GPHN: variants seen among roughly 807,000 people sequenced by gnomAD.
The protein encoded by GPHN is gephyrin.
GPHN carries 17 observed loss-of-function variants against 95.5 expected under a neutral mutation model. The observed-to-expected ratio is 0.18, with a 90% CI of 0.12 to 0.27. The LOEUF is 0.27. Among genes scored for constraint, GPHN ranks in the 10% least tolerant of loss-of-function variants. GPHN has a pLI of 1.00. For missense variants in GPHN, 660 were observed against 978.1 expected, an observed-to-expected ratio of 0.67 and a Z score of 4.34; for synonymous variants, 320 against 322.5, an observed-to-expected ratio of 0.99 and a Z score of 0.08.
chr14:67,457,549 T>C, the GPHN span, among the ~76,000 whole-genome samples: 3 of 152,154 alleles, frequency 2.0e-5, no homozygotes, highest in African/African-American at 7.2e-5. Flanking sequence ...GAGGCTGCAG[T>C]GAGCTAGGAT....
chr14:66,826,574 C>T (rs1293006809), intron 4 of GPHN, among the ~76,000 whole-genome samples: 2 of 152,128 alleles, frequency 1.3e-5, no homozygotes, highest in East Asian at 1.9e-4. Flanking sequence ...GTTCCCAAAC[C>T]GCGTCCCCCA....
At chr14:67,069,499 GT>G (rs1488675078) in intron 11 of GPHN, among the ~76,000 whole-genome samples, 1 of 152,178 alleles carries the variant, frequency 6.6e-6, no homozygotes, top group Non-Finnish European at 1.5e-5. Flanking sequence ...ATGTGCCGTG[GT>G]CAGTATTCTA....
the GPHN span, chr14:67,203,072 T>G: frequency 6.2e-7 from 1 of 1,605,292 alleles, no homozygotes; most frequent in Non-Finnish European, 8.5e-7. Context: ...ATATAACGCC[T>G]TTTCCTGTTT....
intron 9 of GPHN, among the ~76,000 whole-genome samples, chr14:67,018,695 G>A (rs1003279425): frequency 2.0e-5 from 3 of 152,196 alleles, no homozygotes; most frequent in African/African-American, 7.2e-5. Context: ...ATTATAATGA[G>A]GAGGGTGTGT....
At chr14:67,411,997 C>G in the GPHN span, 4 of 1,538,284 alleles carry the variant, frequency 2.6e-6, no homozygotes, top group Middle Eastern at 1.7e-4. Flanking sequence ...GGCAATGTCC[C>G]GAAGCTCGAC....
chr14:66,671,732 A>T (rs1227710382), intron 1 of GPHN, among the ~76,000 whole-genome samples: 1 of 152,106 alleles, frequency 6.6e-6, no homozygotes, highest in Non-Finnish European at 1.5e-5. Context: ...TTCCATCAAG[A>T]TTATCAGATT....
chr14:67,572,324 G>A, the GPHN span: 15 of 1,523,030 alleles, frequency 9.8e-6, no homozygotes, highest in Non-Finnish European at 1.3e-5. Flanking sequence ...GAATGCAGCA[G>A]AGGCTGCTGG....
At chr14:67,632,597 G>T in the GPHN span, among the ~76,000 whole-genome samples, 7 of 152,216 alleles carry the variant, frequency 4.6e-5, no homozygotes, top group South Asian at 1.2e-3. Flanking sequence ...GAACTGAGAG[G>T]TTGAGGCACT....
chr14:67,695,577 C>T, the GPHN span: 2 of 1,544,208 alleles, frequency 1.3e-6, no homozygotes, highest in Non-Finnish European at 1.8e-6. Flanking sequence ...TCTATGTTTC[C>T]CTCCCGCCCC....
chr14:67,221,068 A>G, the GPHN span, among the ~76,000 whole-genome samples: 2,998 of 152,340 alleles, frequency 0.02, 41 homozygotes, highest in Middle Eastern at 0.034. Flanking sequence ...ATGTTTTAGT[A>G]TGCCAATGAG....
At chr14:67,199,665 C>T in the GPHN span, 1 of 1,578,996 alleles carries the variant, frequency 6.3e-7, no homozygotes, top group Admixed American at 1.7e-5. Flanking sequence ...AACCCGCTCT[C>T]CCAGCCTGAC....
the GPHN span, among the ~76,000 whole-genome samples, chr14:67,294,162 A>G: frequency 6.6e-6 from 1 of 152,204 alleles, no homozygotes; most frequent in Non-Finnish European, 1.5e-5. Context: ...CACTATTTTA[A>G]AAGTACTGTA....
the GPHN span, among the ~76,000 whole-genome samples, chr14:67,286,089 A>T: frequency 6.6e-6 from 1 of 152,240 alleles, no homozygotes; most frequent in Admixed American, 6.5e-5. Flanking sequence ...TAAACTAGAT[A>T]TAAAGAAATT....
At chr14:66,759,724 C>T (rs1020373033) in intron 2 of GPHN, among the ~76,000 whole-genome samples, 1 of 152,092 alleles carries the variant, frequency 6.6e-6, no homozygotes, top group Non-Finnish European at 1.5e-5. Flanking sequence ...TGTTTACATT[C>T]AAGGTTAATA....
chr14:66,891,768 T>C (rs1437584589), intron 5 of GPHN, among the ~76,000 whole-genome samples: 1 of 151,932 alleles, frequency 6.6e-6, no homozygotes, highest in East Asian at 1.9e-4. Context: ...ATATATTTTT[T>C]TTAATTCCTA....
At chr14:67,170,459 T>C (rs1203751062) in intron 21 of GPHN, among the ~76,000 whole-genome samples, 1 of 152,234 alleles carries the variant, frequency 6.6e-6, no homozygotes, top group Non-Finnish European at 1.5e-5. Flanking sequence ...CACATTATTA[T>C]AAGAGAGAGA....
At chr14:67,054,395 G>T (rs1394100646) in intron 10 of GPHN, among the ~76,000 whole-genome samples, 1 of 152,158 alleles carries the variant, frequency 6.6e-6, no homozygotes, top group Non-Finnish European at 1.5e-5. Context: ...GCTAACAAGG[G>T]AAGTGAAGGA....
intron 14 of GPHN, among the ~76,000 whole-genome samples, chr14:67,110,508 A>G (rs2078306233): frequency 6.6e-6 from 1 of 152,188 alleles, no homozygotes; most frequent in South Asian, 2.1e-4. Flanking sequence ...AATTTGAATC[A>G]TATTTGACCC....
the GPHN span, among the ~76,000 whole-genome samples, chr14:67,265,280 G>C: frequency 3.0e-4 from 46 of 152,292 alleles, no homozygotes; most frequent in African/African-American, 1.1e-3. Context: ...CCCAGAGCCT[G>C]GGCATGGTGA....
Sources: allele counts gnomAD v4.1 joint callset (sites outside exome capture counted in the v4.1 genomes callset), GRCh38; gene constraint gnomAD v4.1.1; transcripts MANE v1.5; gene names NCBI Gene and HGNC (gene_info 2026-07-23, HGNC 2026-07-21).